TM9SF3: variants seen among roughly 807,000 people sequenced by gnomAD.
TM9SF3 encodes transmembrane 9 superfamily member 3, also known as SM-11044-binding protein.
Under a neutral mutation model 78.6 loss-of-function variants are expected in TM9SF3, and 14 were observed. The ratio of observed to expected loss-of-function variants is 0.18; its 90% CI spans 0.12 to 0.28. The LOEUF (loss-of-function observed/expected upper bound fraction) is 0.28. TM9SF3 is among the 10% of genes least tolerant of loss of function. The pLI is 1.00. For synonymous variants in TM9SF3, 231 were observed against 241.7 expected (o/e 0.96, Z 0.41); for missense variants, 496 against 721.9 (o/e 0.69, Z 3.59).
At chr10:96,550,231 C>A (rs546339886) in intron 7 of TM9SF3, among the ~76,000 whole-genome samples, 4 of 152,298 alleles carry the variant, frequency 2.6e-5, no homozygotes, top group African/African-American at 9.6e-5. Flanking sequence ...TGACTGAATA[C>A]CTTCCACATG....
chr10:96,576,484 A>C, intron 2 of TM9SF3, 150 bp downstream of exon 2: 2 of 624,630 alleles, frequency 3.2e-6, no homozygotes, highest in Non-Finnish European at 4.8e-6. Flanking sequence ...TCTGGGGGGT[A>C]CAGGCCAGGG....
Position 96,544,144 on chromosome 10 carries a change from T to C in TM9SF3, c.1117A>G (p.Thr373Ala), listed in dbSNP as rs745393138. 52 of 1,613,458 alleles carry C rather than the reference T, an allele frequency of 3.2e-5. No individual in the cohort carries two copies. The highest frequency in any genetic ancestry group is 3.6e-5 in the Non-Finnish European group (43 of 1,179,692). ...AFLIPAMVCG[T>A]AFFINFIAIY... Reference sequence around the variant, plus strand: ...GCTATGAAATTGATGAAGAAGGCAGTGCCACACACCATAGCTGGGATAAGG... The same window carrying C: ...GCTATGAAATTGATGAAGAAGGCAGCGCCACACACCATAGCTGGGATAAGG... The change falls in exon 9 of 15, where the codon ACT (threonine) becomes GCT (alanine). Residue 373 changes from threonine (T) to alanine (A), a missense_variant. Coordinates refer to ENST00000371142, the MANE Select transcript of TM9SF3 (RefSeq NM_020123.4).
At chr10:96,580,212 G>A (rs779693003) in intron 1 of TM9SF3, among the ~76,000 whole-genome samples, 1 of 152,090 alleles carries the variant, frequency 6.6e-6, no homozygotes, top group African/African-American at 2.4e-5. Context: ...CGTCATCCAC[G>A]CTGGCCAAAA....
At chr10:96,525,462 T>A (rs1156036) in intron 14 of TM9SF3, among the ~76,000 whole-genome samples, 31,075 of 151,904 alleles carry the variant, frequency 0.2, 3,538 homozygotes, top group Admixed American at 0.3. Context: ...CGCACACACA[T>A]GATCACATAC....
intron 2 of TM9SF3, among the ~76,000 whole-genome samples, chr10:96,566,278 A>T (rs1848369372): frequency 6.6e-6 from 1 of 152,256 alleles, no homozygotes; most frequent in Non-Finnish European, 1.5e-5. Context: ...TTTGTACTAT[A>T]ATATTGGTTA....
In TM9SF3 at chr10:96,578,804, G is replaced by A. The variant is rs558154421; in HGVS notation, c.103-1975C>T. Among the ~76,000 whole-genome samples the A allele has an allele frequency of 1.6e-4, 25 of 152,308 alleles. 2 individuals are homozygous for A. The South Asian group carries it at 3.5e-3, about 21-fold the overall frequency. The stretch of plus-strand genomic sequence containing the variant: ...TTAAAACTTGTTCATGGCCGGGTAC[G>A]GTGACTCACACCTGTAATCCCAAGA... On this transcript the variant is annotated intron_variant, in intron 1 of 14. Coordinates refer to ENST00000371142, the MANE Select transcript of TM9SF3 (RefSeq NM_020123.4).
At chr10:96,581,390 T>C (rs1018523081) in intron 1 of TM9SF3, among the ~76,000 whole-genome samples, 20 of 152,212 alleles carry the variant, frequency 1.3e-4, no homozygotes, top group African/African-American at 4.8e-4. Flanking sequence ...TTCATTTTCA[T>C]ACAAAGGGGG....
intron 3 of TM9SF3, among the ~76,000 whole-genome samples, chr10:96,563,613 A>T (rs938552591): frequency 6.6e-6 from 1 of 151,912 alleles, no homozygotes; most frequent in Admixed American, 6.6e-5. Context: ...CCTGGCCCCA[A>T]GTGATCCGCC....
In TM9SF3 at chr10:96,528,038, A is replaced by G; in HGVS notation, c.1534T>C (p.Tyr512His). ...CCACAAATAGGTACTTACCACCGGTAATCTTCTGCATTTAGTAGAAAATAT... is the reference window on the plus strand; with the variant it reads ...CCACAAATAGGTACTTACCACCGGTGATCTTCTGCATTTAGTAGAAAATAT... ...CTYFLLNAED[Y>H]RWQWTSFLSA... The change falls in exon 12 of 15, where the codon TAC becomes CAC. Residue 512 changes from tyrosine to histidine, a missense_variant. Tyr to His is a moderately conservative substitution (Grantham distance 83). Around this residue, in one of 4 missense-constraint regions of TM9SF3, gnomAD observed 280 missense variants for 422.6 expected, o/e 0.66. Transcript: ENST00000371142. The G allele has an allele frequency of 6.2e-7, 1 of 1,610,506 alleles. No homozygotes were observed. Among genetic ancestry groups the G allele is most frequent in the Non-Finnish European group, 8.5e-7 (1 of 1,177,976 alleles).
At chr10:96,534,325 C>T (rs369098065) in intron 9 of TM9SF3, among the ~76,000 whole-genome samples, 27 of 152,138 alleles carry the variant, frequency 1.8e-4, no homozygotes, top group Non-Finnish European at 2.6e-4. Flanking sequence ...AATTTATCTG[C>T]GTTTCAGTTT....
chr10:96,529,574 G>A (rs2134130496), intron 11 of TM9SF3, among the ~76,000 whole-genome samples: 1 of 150,722 alleles, frequency 6.6e-6, no homozygotes, highest in African/African-American at 2.4e-5. Flanking sequence ...GGAAAACACA[G>A]GATCTGTATT....
chr10:96,534,929 A>C (rs1429811567), intron 9 of TM9SF3, among the ~76,000 whole-genome samples: 1 of 152,160 alleles, frequency 6.6e-6, no homozygotes, highest in African/African-American at 2.4e-5. Context: ...TTGATTAGGA[A>C]GGCTTGTAAT....
In TM9SF3 at chr10:96,586,796, C is replaced by T; in HGVS notation, c.40G>A (p.Ala14Thr). The part of the protein sequence containing the change: ...LPGALGVAAA[A>T]ALWLLLLLLP... ...AGCAGCAGCAGCAGCCACAGCGCGG[C>T]GGCCGCCGCCACGCCAAGAGCGCCA... The change falls in exon 1 of 15, where the codon GCC becomes ACC. Residue 14 changes from alanine to threonine, a missense_variant. This residue lies in a region of TM9SF3 where 58 missense variants were observed against 32.9 expected (regional missense o/e 1.76). Coordinates refer to ENST00000371142, the MANE Select transcript of TM9SF3 (RefSeq NM_020123.4). 4 of 1,279,258 alleles carry T rather than the reference C, an allele frequency of 3.1e-6. No homozygotes were observed. Among genetic ancestry groups the T allele is most frequent in the Admixed American group, 3.4e-5 (1 of 29,646 alleles). 79.2% of individuals were successfully genotyped at this position (1,279,258 alleles called of 1,614,324 possible).
intron 14 of TM9SF3, among the ~76,000 whole-genome samples, chr10:96,524,630 A>G (rs897891615): frequency 1.1e-4 from 17 of 151,916 alleles, no homozygotes; most frequent in African/African-American, 3.9e-4. Flanking sequence ...AGAAAAGTAA[A>G]TATCTTAGGA....
intron 1 of TM9SF3, 54 bp from the exon 2 acceptor site, chr10:96,576,883 T>C: frequency 7.3e-7 from 1 of 1,378,876 alleles, no homozygotes; most frequent in Non-Finnish European, 9.5e-7. Flanking sequence ...CTAATTCAAA[T>C]TAAGGGAATA....
intron 9 of TM9SF3, among the ~76,000 whole-genome samples, chr10:96,541,055 C>T (rs1480001397): frequency 6.6e-6 from 1 of 151,720 alleles, no homozygotes; most frequent in Non-Finnish European, 1.5e-5. Flanking sequence ...GGAGCCACTG[C>T]GCCCGGCCAG....
At chr10:96,569,244 C>T (rs770073000) in intron 2 of TM9SF3, among the ~76,000 whole-genome samples, 1 of 152,122 alleles carries the variant, frequency 6.6e-6, no homozygotes, top group African/African-American at 2.4e-5. Context: ...GGCCTCACAC[C>T]CCTTTGAGAA....
rs767469762 is a variant in TM9SF3 at position 96,544,066 on chromosome 10, A to G, written c.1185+10T>C. The G allele has an allele frequency of 3.1e-6, 5 of 1,600,038 alleles. No individual in the cohort carries two copies. The highest frequency in any genetic ancestry group is 2.2e-5 in the East Asian group (1 of 44,758). ...TTTTTCAGTTTAAAAGTAAGATTCA[A>G]GCAACTCACCATTGTTCCAAAAGGA... On this transcript the variant is annotated intron_variant, in intron 9 of 14. Coordinates refer to ENST00000371142, the MANE Select transcript of TM9SF3 (RefSeq NM_020123.4).
At chr10:96,544,937 T>G (rs1325421700) in intron 8 of TM9SF3, among the ~76,000 whole-genome samples, 1 of 150,068 alleles carries the variant, frequency 6.7e-6, no homozygotes, top group Non-Finnish European at 1.5e-5. Flanking sequence ...TTAAGAGCAT[T>G]TCTACGTTTG....
Sources: gnomAD v4.1 joint callset for allele counts (sites outside exome capture counted in the v4.1 genomes callset) on GRCh38, gnomAD v4.1.1 for gene constraint, gnomAD v4.1.1 regional missense constraint, MANE v1.5 for transcripts, NCBI Gene and HGNC (gene_info 2026-07-23, HGNC 2026-07-21) for gene names.